GALNT18: variants seen among roughly 807,000 people sequenced by gnomAD.
GALNT18 encodes the protein polypeptide N-acetylgalactosaminyltransferase 18, also known as GalNAc-transferase 18.
A neutral mutation model predicts 69.5 loss-of-function variants in GALNT18; 44 were observed. That is an observed-to-expected ratio of 0.63 (90% CI 0.50 to 0.81). The LOEUF (loss-of-function observed/expected upper bound fraction) is 0.81, where lower values mean the gene tolerates loss of function less well. Among genes scored for constraint, GALNT18 ranks in the 40% least tolerant of loss-of-function variants. The pLI is 0.00. For synonymous variants in GALNT18, 364 were observed against 318.2 expected, an observed-to-expected ratio of 1.14 and a Z score of -1.53; for missense variants, 715 against 810.0, an observed-to-expected ratio of 0.88 and a Z score of 1.42.
At chr11:11,321,479 T>C (rs1357603200) in intron 9 of GALNT18, among the ~76,000 whole-genome samples, 2 of 152,220 alleles carry the variant, frequency 1.3e-5, no homozygotes, top group African/African-American at 4.8e-5. Context: ...GATGTTGCAA[T>C]TGTGTAGCAA....
chr11:11,275,960 G>A (rs11512013), intron 10 of GALNT18, among the ~76,000 whole-genome samples: 27,886 of 152,124 alleles, frequency 0.18, 3,005 homozygotes, highest in Non-Finnish European at 0.24. Flanking sequence ...TTGAAGTTAG[G>A]TAGCCTGATG....
In GALNT18 at chr11:11,511,267, G is replaced by C. The variant is rs141548067; in HGVS notation, c.236-62331C>G. Among the ~76,000 whole-genome samples, 2 of 152,168 alleles carry C rather than the reference G, an allele frequency of 1.3e-5. No homozygotes were observed. Among genetic ancestry groups the C allele is most frequent in the African/African-American group, 4.8e-5 (2 of 41,440 alleles). On this transcript the variant is annotated intron_variant, in intron 1 of 10. Transcript: ENST00000227756. This position sits in a 1 kb window ranked among gnomAD's most constrained non-coding sequence, Gnocchi z 4.9. ...GAATCTGCTGAAGACTGAAGGGACC[G>C]GCTGTCCAGCTTCACGCAGGGAGGG...
chr11:11,490,268 C>T (rs964524212), intron 1 of GALNT18, among the ~76,000 whole-genome samples: 2 of 150,146 alleles, frequency 1.3e-5, no homozygotes, highest in African/African-American at 4.9e-5. Flanking sequence ...CACACACACA[C>T]ACTCCTTCCA....
At chr11:11,370,606 A>T (rs996710401) in intron 6 of GALNT18, among the ~76,000 whole-genome samples, 1 of 151,710 alleles carries the variant, frequency 6.6e-6, no homozygotes, top group South Asian at 2.1e-4. Flanking sequence ...AAAAAACCAG[A>T]TATCATTGCC....
rs575462736 is a variant in GALNT18, at chr11:11,573,217, A to C, written c.235+48142T>G. On this transcript the variant is annotated intron_variant, in intron 1 of 10. Coordinates refer to ENST00000227756, the MANE Select transcript of GALNT18 (RefSeq NM_198516.3). This position sits in a 1 kb window ranked among gnomAD's most constrained non-coding sequence, Gnocchi z 4.6. ...ATTATGGTGGGCGGCCTTGACTCAT[A>C]CTTGACATGGATGTCCCAGAGATTC... Among the ~76,000 whole-genome samples, 2 of 152,284 alleles carry C rather than the reference A, an allele frequency of 1.3e-5. No homozygotes were observed. Among genetic ancestry groups the C allele is most frequent in the African/African-American group, 4.8e-5 (2 of 41,556 alleles).
chr11:11,561,980 A>G (rs1341738474), intron 1 of GALNT18, among the ~76,000 whole-genome samples: 2 of 152,244 alleles, frequency 1.3e-5, no homozygotes, highest in Non-Finnish European at 2.9e-5. Context: ...GCCCACTGTC[A>G]CACAGCGAGT....
At chr11:11,423,184 G>GCA (rs141614362) in intron 3 of GALNT18, among the ~76,000 whole-genome samples, 1 of 152,074 alleles carries the variant, frequency 6.6e-6, no homozygotes, top group African/African-American at 2.4e-5. Flanking sequence ...GTGCACACAT[G>GCA]CACACACACA....
At chr11:11,297,608 G>A (rs1849424915) in intron 9 of GALNT18, among the ~76,000 whole-genome samples, 1 of 152,144 alleles carries the variant, frequency 6.6e-6, no homozygotes, top group African/African-American at 2.4e-5. Flanking sequence ...TGGGGGCCTG[G>A]ACTAAGACAG....
At chr11:11,527,126 A>G (rs3935425) in intron 1 of GALNT18, among the ~76,000 whole-genome samples, 148,753 of 152,126 alleles carry the variant, frequency 0.98, 72,780 homozygotes, top group Non-Finnish European at 1. Context: ...TACTCCCTGC[A>G]TAGTGATCCT....
At chr11:11,297,991 T>C (rs1489946073) in intron 9 of GALNT18, among the ~76,000 whole-genome samples, 2 of 152,336 alleles carry the variant, frequency 1.3e-5, no homozygotes, top group South Asian at 4.1e-4. Context: ...GTAGGAGCCA[T>C]GACTGAGAGC....
intron 1 of GALNT18, among the ~76,000 whole-genome samples, chr11:11,502,461 G>A (rs184003082): frequency 0.028 from 4,255 of 152,312 alleles, 130 homozygotes; most frequent in African/African-American, 0.079. Context: ...TGGCTTCTGC[G>A]CAAAGGAAAA....
rs1483493888 is a variant in GALNT18, at chr11:11,430,327, T to C, written c.595+2294A>G. ...ACCCAGTATTCCCCAATGGTAACAT[T>C]GTACACAACCACAGCACAATATCAA... On this transcript the variant is annotated intron_variant, in intron 3 of 10. Coordinates refer to ENST00000227756, the MANE Select transcript of GALNT18 (RefSeq NM_198516.3). This position sits in a 1 kb window ranked among gnomAD's most constrained non-coding sequence, Gnocchi z 4.9. Among the ~76,000 whole-genome samples, 1 of 152,150 alleles carries C rather than the reference T, an allele frequency of 6.6e-6. No individual in the cohort carries two copies. Among genetic ancestry groups the C allele is most frequent in the Non-Finnish European group, 1.5e-5 (1 of 68,020 alleles).
chr11:11,503,769 CT>C (rs1857018038), intron 1 of GALNT18, among the ~76,000 whole-genome samples: 1 of 152,166 alleles, frequency 6.6e-6, no homozygotes, highest in Non-Finnish European at 1.5e-5. Context: ...CTTTTTTCCC[CT>C]TTTTGTTGAC....
chr11:11,408,740 C>T (rs559616919), intron 3 of GALNT18, among the ~76,000 whole-genome samples: 5 of 152,306 alleles, frequency 3.3e-5, no homozygotes, highest in African/African-American at 1.2e-4. Flanking sequence ...CCCTACTGGG[C>T]CCAAGTCAGT....
rs1436134012 is a variant in GALNT18 at position 11,497,986 on chromosome 11, A to G, written c.236-49050T>C. Among the ~76,000 whole-genome samples the G allele has an allele frequency of 6.6e-6, 1 of 152,126 alleles. No individual in the cohort carries two copies. Among genetic ancestry groups the G allele is most frequent in the Admixed American group, 6.5e-5 (1 of 15,282 alleles). On this transcript the variant is annotated intron_variant, in intron 1 of 10. Transcript: ENST00000227756. This position sits in a 1 kb window ranked among gnomAD's most constrained non-coding sequence, Gnocchi z 4.2. ...ATAAAATTATAATTCATGACTTTTT[A>G]TATCATCTATGATTTCCAAATTTGG...
intron 3 of GALNT18, among the ~76,000 whole-genome samples, chr11:11,429,580 C>T (rs1417815792): frequency 6.6e-6 from 1 of 152,150 alleles, no homozygotes; most frequent in Non-Finnish European, 1.5e-5. Context: ...CATGATGTGA[C>T]CACTGCAGGC....
At chr11:11,533,031 G>T (rs749042769) in intron 1 of GALNT18, among the ~76,000 whole-genome samples, 1 of 152,104 alleles carries the variant, frequency 6.6e-6, no homozygotes, top group Non-Finnish European at 1.5e-5. Context: ...CTCAAAGTGG[G>T]GTCTGGGCAC....
At chr11:11,399,023 A>G (rs1009608823) in intron 3 of GALNT18, among the ~76,000 whole-genome samples, 1 of 152,160 alleles carries the variant, frequency 6.6e-6, no homozygotes, top group South Asian at 2.1e-4. Flanking sequence ...ATGGACAAAC[A>G]TGCTTCCCCA....
chr11:11,467,632 G>A (rs1856180901), intron 1 of GALNT18, among the ~76,000 whole-genome samples: 1 of 152,166 alleles, frequency 6.6e-6, no homozygotes, highest in Admixed American at 6.5e-5. Context: ...AGGCACCATG[G>A]CTGAGAACAC....
Sources: gnomAD v4.1 joint callset for allele counts (sites outside exome capture counted in the v4.1 genomes callset) on GRCh38, gnomAD v4.1.1 for gene constraint, Gnocchi (gnomAD v3.1) non-coding constraint, MANE v1.5 for transcripts, NCBI Gene and HGNC (gene_info 2026-07-23, HGNC 2026-07-21) for gene names.